The following GLIPR1 variants were observed in gnomAD, a reference collection of about 807,000 sequenced individuals.
GLIPR1 encodes GLI pathogenesis related 1, also known as glioma pathogenesis-related protein 1.
In GLIPR1, 38 loss-of-function variants were observed where a neutral mutation model predicts 30.3. The observed-to-expected ratio is 1.26, with a 90% CI of 0.97 to 1.65. The LOEUF (loss-of-function observed/expected upper bound fraction) is 1.65, where lower values mean the gene tolerates loss of function less well. Ranked by LOEUF, GLIPR1 falls within the 40% of genes most tolerant of loss-of-function variation. The probability of loss-of-function intolerance (pLI) is 0.00; values close to 1 mark genes in which losing one functional copy is unlikely to be tolerated. For missense variants in GLIPR1, 285 were observed against 326.5 expected (o/e 0.87, Z 0.98); for synonymous variants, 122 against 110.6 (o/e 1.10, Z -0.65).
intron 2 of GLIPR1, among the ~76,000 whole-genome samples, chr12:75,485,972 T>C (rs1381252560): frequency 1.3e-5 from 2 of 152,000 alleles, no homozygotes; most frequent in Non-Finnish European, 2.9e-5. Context: ...TGTGGGCCTA[T>C]AAGGGAGACA....
chr12:75,498,662 A>AT (rs569157020), intron 4 of GLIPR1, 32 bp from the exon 5 acceptor site: 17 of 1,585,460 alleles, frequency 1.1e-5, no homozygotes, highest in East Asian at 4.5e-5. Context: ...TACCCTTTTA[A>AT]TTTTTTTTCT....
At chr12:75,481,752 C>T (rs976474529) in intron 1 of GLIPR1, 82 bp from the exon 2 acceptor site, 22 of 1,290,592 alleles carry the variant, frequency 1.7e-5, no homozygotes, top group East Asian at 1.2e-4. Flanking sequence ...TATCTCACCT[C>T]GTTTTCCATT....
chr12:75,487,007 C>T (rs192535905), intron 2 of GLIPR1, among the ~76,000 whole-genome samples: 2 of 152,164 alleles, frequency 1.3e-5, no homozygotes, highest in East Asian at 3.9e-4. Flanking sequence ...CCAACTAAAA[C>T]ACACAAAATG....
intron 2 of GLIPR1, chr12:75,484,997 G>C (rs2046287093): frequency 6.5e-6 from 1 of 152,818 alleles, no homozygotes; most frequent in Non-Finnish European, 1.5e-5. Flanking sequence ...AATCATAATG[G>C]AAGAAGGATC....
chr12:75,490,328 C>A, intron 2 of GLIPR1, 78 bp from the exon 3 acceptor site: 2 of 803,946 alleles, frequency 2.5e-6, no homozygotes, highest in Non-Finnish European at 4.2e-6. Context: ...GTATACCTCA[C>A]CATGTTTATG....
In GLIPR1 at chr12:75,500,740, A is replaced by G. The variant is rs1389300749; in HGVS notation, c.*1762A>G. The G allele has an allele frequency of 6.6e-6, 1 of 152,080 alleles. No individual in the cohort carries two copies. The highest frequency in any genetic ancestry group is 1.5e-5 in the Non-Finnish European group (1 of 67,980). The allele number at this position is 152,080 out of a possible 1,614,324, so 9.4% of individuals were successfully genotyped here. On this transcript the variant is annotated 3_prime_UTR_variant, in exon 6 of 6. Transcript: ENST00000266659. Reference sequence around the variant, plus strand: ...CTTACCATTCAAAGTACAGGATCACAGCATAAAAGAATCATAAGATAAAAC... The same window carrying G: ...CTTACCATTCAAAGTACAGGATCACGGCATAAAAGAATCATAAGATAAAAC...
At chr12:75,485,705 T>A (rs557179067) in intron 2 of GLIPR1, among the ~76,000 whole-genome samples, 1 of 151,440 alleles carries the variant, frequency 6.6e-6, no homozygotes, top group Non-Finnish European at 1.5e-5. Flanking sequence ...CGCCCGCCAC[T>A]ACGCCCGGCT....
rs1165349676 is a variant in GLIPR1, at chr12:75,499,749, C to A, written c.*771C>A. On this transcript the variant is annotated 3_prime_UTR_variant, in exon 6 of 6. Transcript: ENST00000266659. The stretch of plus-strand genomic sequence containing the variant: ...TTTCTCACAAATAAGGCAACTAATG[C>A]CTGATATCTCAAAATCCTTTACAAA... The A allele has an allele frequency of 2.2e-6, 3 of 1,352,522 alleles. No individual in the cohort carries two copies. The highest frequency in any genetic ancestry group is 3.0e-6 in the Non-Finnish European group (3 of 1,005,196). The allele number at this position is 1,352,522 out of a possible 1,614,324, so 83.8% of individuals were successfully genotyped here. A position where few individuals can be genotyped will look rare whatever the true frequency, so the allele number is the denominator to read the frequency against.
chr12:75,492,104 T>TTG (rs1185124040), intron 3 of GLIPR1: 3 of 151,436 alleles, frequency 2.0e-5, no homozygotes, highest in Non-Finnish European at 4.4e-5. Context: ...TTTTTTTTTT[T>TTG]GAGACAGGGT....
chr12:75,499,814 TTTTTTTCTTCTTTTTC>T lies in GLIPR1; in HGVS notation c.*841_*856del. Reference sequence around the variant, plus strand: ...GTCAAGGAGTTTTGGGTATGTTACTTTTTTTTCTTCTTTTTCTTTTCATCTGCCTCCATCTTAAGTG... The same window carrying T: ...GTCAAGGAGTTTTGGGTATGTTACTTTTTTCATCTGCCTCCATCTTAAGTG... On this transcript the variant is annotated 3_prime_UTR_variant, in exon 6 of 6. Coordinates refer to ENST00000266659, the MANE Select transcript of GLIPR1 (RefSeq NM_006851.3). 6.3e-7 allele frequency: 1 copy of T among 1,598,950 alleles called. No homozygotes were observed. Among genetic ancestry groups the T allele is most frequent in the South Asian group, 1.1e-5 (1 of 87,950 alleles).
At position 75,490,583 on chromosome 12, in the gene GLIPR1, C is replaced by CA. The variant is rs55774067; in HGVS notation, c.533+74dup. ...CCCCCCCCGCAAAAAAAAACAACAA[C>CA]AAAAAAAAACATTTTAGCAGTATTC... On this transcript the variant is annotated intron_variant, in intron 3 of 5. Transcript: ENST00000266659. 1.3e-3 allele frequency: 128 copies of CA among 102,348 alleles called. 8 individuals carry two copies. Among genetic ancestry groups the CA allele is most frequent in the Middle Eastern group, 2.3e-3 (1 of 438 alleles). 6.3% of individuals were successfully genotyped at this position (102,348 alleles called of 1,614,324 possible).
In GLIPR1 at chr12:75,481,357, C is replaced by CT. The variant is rs72137011; in HGVS notation, c.174+322dup. The CT allele has an allele frequency of 2.2e-3, 327 of 145,852 alleles. 2 individuals are homozygous for CT. Among genetic ancestry groups the CT allele is most frequent in the East Asian group, 0.012 (59 of 5,036 alleles). The allele number at this position is 145,852 out of a possible 1,614,324, so 9.0% of individuals were successfully genotyped here. A position where few individuals can be genotyped will look rare whatever the true frequency, so the allele number is the denominator to read the frequency against. Reference sequence around the variant, plus strand: ...CTGTTAATTTTTGTGATTTGGTTTTCTTTTTTTTTTTTTTTTTTTGTCTCT... The same window carrying CT: ...CTGTTAATTTTTGTGATTTGGTTTTCTTTTTTTTTTTTTTTTTTTTGTCTCT... On this transcript the variant is annotated intron_variant, in intron 1 of 5. Coordinates refer to ENST00000266659, the MANE Select transcript of GLIPR1 (RefSeq NM_006851.3).
chr12:75,499,925 C>T lies in GLIPR1; in HGVS notation c.*947C>T. The stretch of plus-strand genomic sequence containing the variant: ...TTCTTAACCTTTTCCTTGATGCTGG[C>T]CACATCAATTTTAGTTTCAGTAGAA... On this transcript the variant is annotated 3_prime_UTR_variant, in exon 6 of 6. Transcript: ENST00000266659. 3.1e-6 allele frequency: 5 copies of T among 1,604,020 alleles called. No homozygotes were observed. Among genetic ancestry groups the T allele is most frequent in the Non-Finnish European group, 4.3e-6 (5 of 1,176,230 alleles).
intron 2 of GLIPR1, chr12:75,487,715 C>G (rs113522242): frequency 2.2e-6 from 1 of 453,906 alleles, no homozygotes; most frequent in African/African-American, 2.0e-5. Context: ...TCCCCTCTTG[C>G]CTCACTTCCT....
intron 3 of GLIPR1, chr12:75,493,516 G>C (rs1378655231): frequency 6.6e-6 from 1 of 152,158 alleles, no homozygotes; most frequent in African/African-American, 2.4e-5. Context: ...ACTCAGAGTG[G>C]ATTAGTGGAG....
At chr12:75,487,663 C>T (rs1216974793) in intron 2 of GLIPR1, 3 of 428,926 alleles carry the variant, frequency 7.0e-6, no homozygotes, top group Non-Finnish European at 1.4e-5. Flanking sequence ...CCACTTCTAC[C>T]ACACCTTTAA....
chr12:75,486,801 G>A (rs546175352), intron 2 of GLIPR1, among the ~76,000 whole-genome samples: 1 of 131,848 alleles, frequency 7.6e-6, no homozygotes, highest in South Asian at 2.4e-4. Flanking sequence ...AATGACTGCT[G>A]GGGTCTGGTG....
At position 75,490,420 on chromosome 12, in the gene GLIPR1, T is replaced by C. The variant is rs774095859; in HGVS notation, c.435T>C (p.Asp145=). 3 of 1,588,380 alleles carry C rather than the reference T, an allele frequency of 1.9e-6. No homozygotes were observed. Among genetic ancestry groups the C allele is most frequent in the Non-Finnish European group, 1.7e-6 (2 of 1,157,006 alleles). ...TTTCCTTTCAGGTTGTTTGGGCAGA[T>C]AGTTACAAAGTTGGCTGCGCAGTTC... The part of the protein sequence containing the change: ...CGHYTQVVWA[D]SYKVGCAVQF... Residue 145 remains aspartate, a synonymous_variant, in exon 3 of 6, where the codon GAT becomes GAC. Transcript: ENST00000266659.
chr12:75,485,581 C>G (rs1053286241), intron 2 of GLIPR1, among the ~76,000 whole-genome samples: 2 of 89,962 alleles, frequency 2.2e-5, no homozygotes, highest in African/African-American at 6.9e-5. Flanking sequence ...GACGGAGTCT[C>G]GCTCTGTCGC....
Sources: gnomAD v4.1 joint callset for allele counts (sites outside exome capture counted in the v4.1 genomes callset) on GRCh38, gnomAD v4.1.1 for gene constraint, MANE v1.5 for transcripts, NCBI Gene and HGNC (gene_info 2026-07-23, HGNC 2026-07-21) for gene names.